CREB3L2: variants seen among roughly 807,000 people sequenced by gnomAD.
CREB3L2 encodes cAMP responsive element binding protein 3 like 2.
Under a neutral mutation model 57.2 loss-of-function variants are expected in CREB3L2, and 23 were observed. The ratio of observed to expected loss-of-function variants is 0.40; its 90% confidence interval spans 0.29 to 0.57. The LOEUF is 0.57. Among genes scored for constraint, CREB3L2 ranks in the 20% least tolerant of loss-of-function variants. The pLI, the probability that CREB3L2 is intolerant of heterozygous loss-of-function variation, is 0.42. For missense variants in CREB3L2, 628 were observed against 634.7 expected (o/e 0.99, Z 0.11); for synonymous variants, 268 against 265.1 (o/e 1.01, Z -0.11).
At chr7:137,977,618 T>C (rs1801631593) in intron 1 of CREB3L2, among the ~76,000 whole-genome samples, 2 of 152,234 alleles carry the variant, frequency 1.3e-5, no homozygotes, top group South Asian at 4.1e-4. Context: ...CAAATCTTGT[T>C]TTGTTTAAAA....
chr7:137,975,655 C>T (rs970426684), intron 1 of CREB3L2, among the ~76,000 whole-genome samples: 50 of 152,100 alleles, frequency 3.3e-4, no homozygotes, highest in East Asian at 1.2e-3. Flanking sequence ...ATGCTCTCTG[C>T]GTCTTCCAGC....
chr7:137,949,787 C>A (rs535973495), intron 1 of CREB3L2, among the ~76,000 whole-genome samples: 47 of 152,298 alleles, frequency 3.1e-4, no homozygotes, highest in Admixed American at 5.2e-4. Flanking sequence ...TTTGCTTAGA[C>A]ACTCATGGAT....
intron 1 of CREB3L2, among the ~76,000 whole-genome samples, chr7:137,983,576 C>G (rs1316963316): frequency 3.9e-5 from 6 of 152,358 alleles, no homozygotes; most frequent in Non-Finnish European, 7.3e-5. Flanking sequence ...AAGCTGCTGA[C>G]TCTCACTTAG....
chr7:137,903,141 A>G (rs893814241), intron 7 of CREB3L2, among the ~76,000 whole-genome samples: 6 of 152,056 alleles, frequency 3.9e-5, no homozygotes, highest in Admixed American at 3.3e-4. Context: ...AATATTTTAG[A>G]CCCATGGTTG....
At position 137,932,099 on chromosome 7, in the gene CREB3L2, C is replaced by T. The variant is rs1054101945; in HGVS notation, c.103-3733G>A. Among the ~76,000 whole-genome samples, 3 of 152,212 alleles carry T rather than the reference C, an allele frequency of 2.0e-5. No homozygotes were observed. In the South Asian group the frequency reaches 6.2e-4, roughly 32 times the overall value. Reference sequence around the variant, plus strand: ...CCATTACACATAGGATTCTTTAAAACGTTAAGTAAATGGTACCATATCTCA... The same window carrying T: ...CCATTACACATAGGATTCTTTAAAATGTTAAGTAAATGGTACCATATCTCA... On this transcript the variant is annotated intron_variant, in intron 1 of 11. Coordinates refer to ENST00000330387, the MANE Select transcript of CREB3L2 (RefSeq NM_194071.4).
intron 1 of CREB3L2, among the ~76,000 whole-genome samples, chr7:137,992,340 G>A (rs561860332): frequency 1.3e-5 from 2 of 152,236 alleles, no homozygotes; most frequent in South Asian, 2.1e-4. Flanking sequence ...TGAGTGACAC[G>A]GACTGTAGAA....
intron 1 of CREB3L2, among the ~76,000 whole-genome samples, chr7:137,985,370 G>A (rs1281763354): frequency 1.3e-5 from 2 of 152,168 alleles, no homozygotes; most frequent in Non-Finnish European, 2.9e-5. Flanking sequence ...AGGGGTCGGA[G>A]GAAGAACGTG....
chr7:137,986,768 G>A (rs1003327870), intron 1 of CREB3L2, among the ~76,000 whole-genome samples: 3 of 152,212 alleles, frequency 2.0e-5, no homozygotes, highest in Non-Finnish European at 4.4e-5. Flanking sequence ...CTAGAAGTCT[G>A]TATTTCAGTC....
chr7:137,989,624 C>A (rs747077833), intron 1 of CREB3L2, among the ~76,000 whole-genome samples: 21 of 151,950 alleles, frequency 1.4e-4, no homozygotes, highest in African/African-American at 3.4e-4. Context: ...ATCCTAACAC[C>A]CAAATCTACA....
rs1799236270 is a variant in CREB3L2 at position 137,879,362 on chromosome 7, G to C, written c.*1114C>G. 1 of 485,788 alleles carries C rather than the reference G, an allele frequency of 2.1e-6. No individual in the cohort carries two copies. The highest frequency in any genetic ancestry group is 2.9e-5 in the Admixed American group (1 of 34,962). The allele number at this position is 485,788 out of a possible 1,614,324, so 30.1% of individuals were successfully genotyped here. ...TGTGGAGGGAGGAGGGGGCCAGGCA[G>C]GTGTGGAAAGCCAGCAAGGTTGTCT... is the stretch of plus-strand genomic sequence containing the variant. On this transcript the variant is annotated 3_prime_UTR_variant, in exon 12 of 12. Transcript: ENST00000330387.
intron 8 of CREB3L2, among the ~76,000 whole-genome samples, chr7:137,900,951 G>A (rs1799741169): frequency 6.6e-6 from 1 of 152,108 alleles, no homozygotes; most frequent in South Asian, 2.1e-4. Flanking sequence ...AATCAGGCTT[G>A]TTGATCTTAT....
Position 137,880,418 on chromosome 7 carries a change from G to A in CREB3L2, c.*58C>T. 7.4e-6 allele frequency: 10 copies of A among 1,358,678 alleles called. No individual in the cohort carries two copies. Among genetic ancestry groups the A allele is most frequent in the Non-Finnish European group, 1.0e-5 (10 of 955,422 alleles). The allele number at this position is 1,358,678 out of a possible 1,614,324, so 84.2% of individuals were successfully genotyped here. ...CAAAGAGGAAAAGCTGATGACAAAG[G>A]TGGTTTGGGGATGTAAAAGTAGAGT... On this transcript the variant is annotated 3_prime_UTR_variant, in exon 12 of 12. Transcript: ENST00000330387. The surrounding 1 kb of genome is among the most constrained non-coding windows in gnomAD (Gnocchi z 4.0).
At chr7:137,914,371 C>T (rs1800080474) in intron 3 of CREB3L2, among the ~76,000 whole-genome samples, 1 of 152,110 alleles carries the variant, frequency 6.6e-6, no homozygotes. Flanking sequence ...GTGGCTCACG[C>T]CTGTAATCCC....
At chr7:137,932,919 C>T (rs1031780520) in intron 1 of CREB3L2, among the ~76,000 whole-genome samples, 4 of 152,198 alleles carry the variant, frequency 2.6e-5, no homozygotes, top group Admixed American at 6.5e-5. Context: ...GCTCCTAAGC[C>T]GTCGCTTCTG....
intron 1 of CREB3L2, among the ~76,000 whole-genome samples, chr7:137,940,599 G>A (rs1251766264): frequency 2.0e-5 from 3 of 152,138 alleles, no homozygotes; most frequent in Admixed American, 2.0e-4. Flanking sequence ...TCACCAAATG[G>A]GTGACTGAAA....
At chr7:137,910,935 T>A (rs1799992277) in intron 4 of CREB3L2, among the ~76,000 whole-genome samples, 1 of 152,234 alleles carries the variant, frequency 6.6e-6, no homozygotes, top group African/African-American at 2.4e-5. Flanking sequence ...GATATTGAAT[T>A]TCCTTATCTC....
chr7:137,901,879 A>AAAAG (rs1453473514), intron 7 of CREB3L2, among the ~76,000 whole-genome samples: 3,415 of 147,918 alleles, frequency 0.023, 221 homozygotes, highest in East Asian at 0.097. Flanking sequence ...TGTCTCAAAA[A>AAAAG]AAAAAAAAAA....
At chr7:137,922,453 T>TATACAC (rs1554498063) in intron 2 of CREB3L2, 35 of 72,574 alleles carry the variant, frequency 4.8e-4, no homozygotes, top group African/African-American at 1.9e-3. Flanking sequence ...TATATATATA[T>TATACAC]ACACACATAT....
At chr7:137,978,511 A>G (rs1801649596) in intron 1 of CREB3L2, among the ~76,000 whole-genome samples, 1 of 152,148 alleles carries the variant, frequency 6.6e-6, no homozygotes, top group Admixed American at 6.5e-5. Context: ...CTGAGCTCAA[A>G]TCAACCAAGA....
Sources: gnomAD v4.1 joint callset for allele counts (sites outside exome capture counted in the v4.1 genomes callset) on GRCh38, gnomAD v4.1.1 for gene constraint, Gnocchi (gnomAD v3.1) non-coding constraint, MANE v1.5 for transcripts, NCBI Gene and HGNC (gene_info 2026-07-23, HGNC 2026-07-21) for gene names.